The following CEP112 variants were observed in gnomAD, a reference collection of about 807,000 sequenced individuals.
The protein encoded by CEP112 is centrosomal protein 112.
Under a neutral mutation model 153.0 loss-of-function variants are expected in CEP112, and 127 were observed. The observed-to-expected ratio is 0.83, with a 90% CI of 0.72 to 0.96. The LOEUF (loss-of-function observed/expected upper bound fraction) is 0.96. Ranked by LOEUF, CEP112 falls within the 40% of genes least tolerant of loss-of-function variation. CEP112 has a pLI of 0.00. For missense variants in CEP112, 1,089 were observed against 1,101.2 expected (o/e 0.99, Z 0.16); for synonymous variants, 358 against 374.4 (o/e 0.96, Z 0.51).
chr17:66,035,955 T>C (rs532398566), intron 12 of CEP112, among the ~76,000 whole-genome samples: 1 of 152,316 alleles, frequency 6.6e-6, no homozygotes, highest in East Asian at 1.9e-4. Context: ...CTGGGGAGCC[T>C]GAACAATGTA....
intron 22 of CEP112, among the ~76,000 whole-genome samples, chr17:65,745,406 G>C (rs1177047080): frequency 6.6e-6 from 1 of 152,146 alleles, no homozygotes; most frequent in East Asian, 1.9e-4. Context: ...CTGTGAAACA[G>C]GAAAGGTTAA....
At position 66,062,963 on chromosome 17, in the gene CEP112, C is replaced by CT. The variant is rs769310263; in HGVS notation, c.1073dup (p.Leu359AlafsTer14). 6.0e-6 allele frequency: 9 copies of CT among 1,502,108 alleles called. No individual in the cohort carries two copies. Among genetic ancestry groups the CT allele is most frequent in the Admixed American group, 1.9e-5 (1 of 53,468 alleles). The allele number at this position is 1,502,108 out of a possible 1,614,324, so 93.0% of individuals were successfully genotyped here. ...TCCATTAGTATTTTATGTAGCTTAC[C>CT]TTTTTTTCCCAGTCATTATTTAGAG... On this transcript the variant is annotated frameshift_variant and splice_region_variant, in exon 11 of 27. Transcript: ENST00000535342. LOFTEE classifies it high-confidence loss of function.
chr17:65,794,505 T>C (rs1363951024), intron 21 of CEP112, among the ~76,000 whole-genome samples: 1 of 152,148 alleles, frequency 6.6e-6, no homozygotes, highest in Non-Finnish European at 1.5e-5. Flanking sequence ...TTTACTGAAA[T>C]TGGTTTACTG....
chr17:65,811,489 TTG>T (rs2055950868), intron 21 of CEP112, among the ~76,000 whole-genome samples: 1 of 152,164 alleles, frequency 6.6e-6, no homozygotes, highest in African/African-American at 2.4e-5. Flanking sequence ...GTTACTGGAA[TTG>T]TTAAAGACTC....
intron 21 of CEP112, among the ~76,000 whole-genome samples, chr17:65,817,599 A>G (rs1326701084): frequency 1.3e-5 from 2 of 151,954 alleles, no homozygotes; most frequent in Admixed American, 6.6e-5. Flanking sequence ...TTAGGTTTAT[A>G]AAAATTGGAC....
At chr17:65,733,141 G>C (rs903871284) in intron 23 of CEP112, among the ~76,000 whole-genome samples, 3 of 152,132 alleles carry the variant, frequency 2.0e-5, no homozygotes, top group African/African-American at 7.2e-5. Flanking sequence ...ATTATTAATT[G>C]ACCTACATCA....
intron 23 of CEP112, among the ~76,000 whole-genome samples, chr17:65,724,879 T>G (rs2050092292): frequency 6.6e-6 from 1 of 152,078 alleles, no homozygotes; most frequent in Non-Finnish European, 1.5e-5. Context: ...GCACAGCCCC[T>G]CCTGCTGCCC....
intron 24 of CEP112, among the ~76,000 whole-genome samples, chr17:65,648,221 AG>A (rs2045545601): frequency 6.6e-6 from 1 of 152,090 alleles, no homozygotes; most frequent in East Asian, 1.9e-4. Flanking sequence ...CACCAAAGAG[AG>A]GGGCTTCCCT....
At chr17:65,923,781 A>ATAT (rs2060817942) in intron 19 of CEP112, among the ~76,000 whole-genome samples, 2 of 152,180 alleles carry the variant, frequency 1.3e-5, no homozygotes, top group Non-Finnish European at 2.9e-5. Flanking sequence ...GAATTTTTTC[A>ATAT]CTGAATTTAC....
At chr17:65,962,919 G>C (rs141803041) in intron 17 of CEP112, among the ~76,000 whole-genome samples, 120 of 152,332 alleles carry the variant, frequency 7.9e-4, no homozygotes, top group African/African-American at 2.0e-3. Context: ...TCTCCAGTAT[G>C]TCTTTATCAG....
rs1296807535 is a variant in CEP112, at chr17:66,109,129, G to A, written c.643-12497C>T. Among the ~76,000 whole-genome samples, 6 of 152,238 alleles carry A rather than the reference G, an allele frequency of 3.9e-5. No individual in the cohort carries two copies. The South Asian group carries it at 6.2e-4, about 16-fold the overall frequency. Reference sequence around the variant, plus strand: ...TCACAGAGGTTGGGAAGGATAGAGGGGGTTGGGGAAAGTGGGGATGGTTAA... The same window carrying A: ...TCACAGAGGTTGGGAAGGATAGAGGAGGTTGGGGAAAGTGGGGATGGTTAA... On this transcript the variant is annotated intron_variant, in intron 6 of 26. Coordinates refer to ENST00000535342, the MANE Select transcript of CEP112 (RefSeq NM_001199165.4).
chr17:65,885,648 C>T (rs887851879), intron 20 of CEP112, among the ~76,000 whole-genome samples: 2 of 152,190 alleles, frequency 1.3e-5, no homozygotes, highest in Admixed American at 6.5e-5. Context: ...AAACACCTCA[C>T]TAATAGTCAT....
chr17:65,865,005 C>T (rs1019435858), intron 20 of CEP112, among the ~76,000 whole-genome samples: 11 of 149,576 alleles, frequency 7.4e-5, no homozygotes, highest in Non-Finnish European at 1.3e-4. Flanking sequence ...TTGGTCCTTT[C>T]ATTTTACTTT....
intron 21 of CEP112, among the ~76,000 whole-genome samples, chr17:65,769,076 A>G (rs568879081): frequency 2.6e-5 from 4 of 152,136 alleles, no homozygotes; most frequent in Non-Finnish European, 5.9e-5. Context: ...CTAATAAATT[A>G]ACTCCATAAA....
At chr17:66,017,038 C>G (rs1468605168) in intron 16 of CEP112, among the ~76,000 whole-genome samples, 2 of 152,038 alleles carry the variant, frequency 1.3e-5, no homozygotes, top group East Asian at 1.9e-4. Context: ...GACCTTAGAA[C>G]AATATTAGGA....
intron 21 of CEP112, among the ~76,000 whole-genome samples, chr17:65,783,854 C>T (rs1054878917): frequency 1.3e-5 from 2 of 152,164 alleles, no homozygotes; most frequent in Non-Finnish European, 2.9e-5. Context: ...TTCCTTTGAT[C>T]GACTATTTCA....
chr17:65,969,873 T>C (rs1304606901), intron 17 of CEP112, among the ~76,000 whole-genome samples: 1 of 152,226 alleles, frequency 6.6e-6, no homozygotes, highest in Non-Finnish European at 1.5e-5. Flanking sequence ...TACATGTGCA[T>C]TATGTGTAAA....
At chr17:66,189,620 A>G (rs553275414) in intron 1 of CEP112, among the ~76,000 whole-genome samples, 1 of 152,314 alleles carries the variant, frequency 6.6e-6, no homozygotes, top group South Asian at 2.1e-4. Context: ...AACATTTGGT[A>G]AAAACTAAAA....
rs113975275 is a variant in CEP112 at position 66,181,623 on chromosome 17, C to T, written c.106+1571G>A. Among the ~76,000 whole-genome samples, 1,309 of 151,978 alleles carry T rather than the reference C, an allele frequency of 8.6e-3. 17 individuals are homozygous for T. The highest frequency in any genetic ancestry group is 0.03 in the African/African-American group (1,238 of 41,430). On this transcript the variant is annotated intron_variant, in intron 2 of 26. Transcript: ENST00000535342. ...ACCCGCCTCAGCCTCCCAAAGTACT[C>T]GGATTACAGGCATGAGCCACCGCGC...
Sources: gnomAD v4.1 joint callset for allele counts (sites outside exome capture counted in the v4.1 genomes callset) on GRCh38, gnomAD v4.1.1 for gene constraint, MANE v1.5 for transcripts, NCBI Gene and HGNC (gene_info 2026-07-23, HGNC 2026-07-21) for gene names.